Variants in ZNF366 observed in about 807,000 individuals in gnomAD.
The protein encoded by ZNF366 is zinc finger protein 366, also known as dendritic cell-specific transcript protein.
ZNF366 carries 20 observed loss-of-function variants against 47.2 expected under a neutral mutation model. That is an observed-to-expected ratio of 0.42 (90% CI 0.30 to 0.62). ZNF366 has a LOEUF of 0.62. Among genes scored for constraint, ZNF366 ranks in the 20% least tolerant of loss-of-function variants. The pLI, the probability that ZNF366 is intolerant of heterozygous loss-of-function variation, is 0.16. For missense variants in ZNF366, 987 were observed against 976.3 expected, an observed-to-expected ratio of 1.01 and a Z score of -0.15; for synonymous variants, 421 against 395.1, an observed-to-expected ratio of 1.07 and a Z score of -0.78.
At chr5:72,458,170 C>A (rs1436021981) in intron 2 of ZNF366, among the ~76,000 whole-genome samples, 1 of 151,894 alleles carries the variant, frequency 6.6e-6, no homozygotes, top group African/African-American at 2.4e-5. Flanking sequence ...GTACCCGCCA[C>A]CATGCCCGGC....
intron 1 of ZNF366, among the ~76,000 whole-genome samples, chr5:72,483,053 T>G (rs890867371): frequency 1.3e-5 from 2 of 152,180 alleles, no homozygotes; most frequent in African/African-American, 4.8e-5. Flanking sequence ...TTAAAGAAAT[T>G]AGCAGTAGTC....
chr5:72,467,471 C>T (rs1026825692), intron 1 of ZNF366, among the ~76,000 whole-genome samples: 2 of 152,152 alleles, frequency 1.3e-5, no homozygotes, highest in Non-Finnish European at 2.9e-5. Context: ...AAATATGCTG[C>T]TAATAATGGT....
At chr5:72,463,972 C>G (rs1404868456) in intron 1 of ZNF366, among the ~76,000 whole-genome samples, 1 of 152,132 alleles carries the variant, frequency 6.6e-6, no homozygotes, top group Non-Finnish European at 1.5e-5. Flanking sequence ...TTTATAACCC[C>G]TTGAGAGATA....
intron 1 of ZNF366, among the ~76,000 whole-genome samples, chr5:72,497,959 C>T (rs1009206335): frequency 1.3e-5 from 2 of 152,010 alleles, no homozygotes; most frequent in Non-Finnish European, 2.9e-5. Flanking sequence ...ATACTAAGCT[C>T]TTTGTGATAC....
At chr5:72,462,553 T>TCTTTCTTTCTTTCTTTCTTTCTTTC (rs1476213047) in intron 1 of ZNF366, among the ~76,000 whole-genome samples, 1 of 146,344 alleles carries the variant, frequency 6.8e-6, no homozygotes, top group East Asian at 2.0e-4. Flanking sequence ...CTTTCTTTTT[T>TCTTTCTTTCTTTCTTTCTTTCTTTC]TTTTTTTTTG....
intron 1 of ZNF366, chr5:72,494,200 T>A (rs182416727): frequency 2.8e-4 from 42 of 152,274 alleles, no homozygotes; most frequent in African/African-American, 9.9e-4. Context: ...ACATACAGAC[T>A]TTTTGCAATA....
chr5:72,455,507 C>T (rs74824648), intron 3 of ZNF366, among the ~76,000 whole-genome samples: 2,421 of 152,298 alleles, frequency 0.016, 70 homozygotes, highest in African/African-American at 0.056. Flanking sequence ...TTCTTCATGA[C>T]CGGATGACAC....
At chr5:72,450,590 A>G (rs1743046792) in intron 3 of ZNF366, among the ~76,000 whole-genome samples, 1 of 152,140 alleles carries the variant, frequency 6.6e-6, no homozygotes, top group East Asian at 1.9e-4. Context: ...TTCCCACAAA[A>G]CCTATTAGTT....
chr5:72,472,075 C>G (rs911231655), intron 1 of ZNF366, among the ~76,000 whole-genome samples: 29 of 152,202 alleles, frequency 1.9e-4, no homozygotes, highest in African/African-American at 6.3e-4. Context: ...CTGTGAGGAA[C>G]TGCCCTGCAG....
chr5:72,499,758 T>C (rs927720524), intron 1 of ZNF366, among the ~76,000 whole-genome samples: 2 of 151,848 alleles, frequency 1.3e-5, no homozygotes, highest in African/African-American at 2.4e-5. Flanking sequence ...ACTATGGAGG[T>C]AGGCGTTCCA....
chr5:72,446,674 G>A (rs1185898169), intron 4 of ZNF366, among the ~76,000 whole-genome samples: 1 of 152,204 alleles, frequency 6.6e-6, no homozygotes, highest in African/African-American at 2.4e-5. Flanking sequence ...CCTTGGGTGT[G>A]TCTGATTGTG....
rs934862180 is a variant in ZNF366, at chr5:72,456,711, T to C, written c.1333-116A>G. On this transcript the variant is annotated intron_variant, in intron 2 of 4. Transcript: ENST00000318442. The stretch of plus-strand genomic sequence containing the variant: ...AATCCACAAAGAGCTTGGTGATAGA[T>C]GTTGAGTTTCAAATGGTGTAGCTTC... 2.7e-5 allele frequency: 29 copies of C among 1,066,904 alleles called. No individual in the cohort carries two copies. The African/African-American group carries it at 4.2e-4, about 15-fold the overall frequency. 66.1% of individuals were successfully genotyped at this position (1,066,904 alleles called of 1,614,324 possible).
At chr5:72,504,155 G>A (rs937221547) in intron 1 of ZNF366, among the ~76,000 whole-genome samples, 1 of 152,162 alleles carries the variant, frequency 6.6e-6, no homozygotes, top group Non-Finnish European at 1.5e-5. Context: ...GTTTCTCTGT[G>A]TGAAGGTGAG....
At chr5:72,468,029 G>A (rs2112334408) in intron 1 of ZNF366, among the ~76,000 whole-genome samples, 1 of 152,278 alleles carries the variant, frequency 6.6e-6, no homozygotes, top group Non-Finnish European at 1.5e-5. Flanking sequence ...CCTCTGAAGA[G>A]GGATTTTTAA....
In ZNF366 at chr5:72,456,429, G is replaced by A; in HGVS notation, c.1499C>T (p.Ser500Phe). ...CTTGCATTTGAAAGGCTTCACGTCA[G>A]AGTGGACGATCATGTGTGCCTTGAG... ...QTLKAHMIVHSDVKPFKCKLC... is the reference protein window; with the variant it reads ...QTLKAHMIVHFDVKPFKCKLC... Residue 500 changes from serine (S) to phenylalanine (F), a missense_variant, in exon 3 of 5, where the codon TCT (serine) becomes TTT (phenylalanine). Coordinates refer to ENST00000318442, the MANE Select transcript of ZNF366 (RefSeq NM_152625.3). The A allele has an allele frequency of 6.2e-7, 1 of 1,611,140 alleles. No individual in the cohort carries two copies. The highest frequency in any genetic ancestry group is 1.7e-4 in the Middle Eastern group (1 of 6,044).
intron 3 of ZNF366, among the ~76,000 whole-genome samples, chr5:72,452,163 C>G (rs1743086046): frequency 6.6e-6 from 1 of 152,222 alleles, no homozygotes; most frequent in Non-Finnish European, 1.5e-5. Flanking sequence ...TGGCCTGCAG[C>G]TGAGGAGAAT....
At chr5:72,467,558 A>T (rs954947922) in intron 1 of ZNF366, among the ~76,000 whole-genome samples, 1 of 152,232 alleles carries the variant, frequency 6.6e-6, no homozygotes, top group Non-Finnish European at 1.5e-5. Context: ...TGTGGTTCGC[A>T]TTCAAATCAA....
intron 3 of ZNF366, among the ~76,000 whole-genome samples, chr5:72,448,386 C>T (rs1480565504): frequency 6.6e-6 from 1 of 152,206 alleles, no homozygotes; most frequent in East Asian, 1.9e-4. Flanking sequence ...GAACTTTCTT[C>T]TCACAGGTGA....
At chr5:72,484,495 A>AAATAATAATAATAAT (rs60726077) in intron 1 of ZNF366, among the ~76,000 whole-genome samples, 5 of 145,800 alleles carry the variant, frequency 3.4e-5, no homozygotes, top group African/African-American at 7.7e-5. Flanking sequence ...AAAAAAAAAA[A>AAATAATAATAATAAT]AATAATAATA....
Sources: allele counts gnomAD v4.1 joint callset (sites outside exome capture counted in the v4.1 genomes callset), GRCh38; gene constraint gnomAD v4.1.1; transcripts MANE v1.5; gene names NCBI Gene and HGNC (gene_info 2026-07-23, HGNC 2026-07-21).